CDH13: variants seen among roughly 807,000 people sequenced by gnomAD.
CDH13 encodes cadherin 13.
A neutral mutation model predicts 63.8 loss-of-function variants in CDH13; 24 were observed. The observed-to-expected ratio is 0.38, with a 90% confidence interval of 0.27 to 0.53. The LOEUF (loss-of-function observed/expected upper bound fraction) is 0.53. CDH13 is among the 20% of genes least tolerant of loss of function. The pLI, the probability that CDH13 is intolerant of heterozygous loss-of-function variation, is 0.85. For synonymous variants in CDH13, 503 were observed against 355.3 expected, an observed-to-expected ratio of 1.42 and a Z score of -4.67; for missense variants, 1,049 against 903.1, an observed-to-expected ratio of 1.16 and a Z score of -2.07.
chr16:83,252,966 T>C (rs1435025590), intron 5 of CDH13, among the ~76,000 whole-genome samples: 1 of 152,164 alleles, frequency 6.6e-6, no homozygotes, highest in Non-Finnish European at 1.5e-5. Flanking sequence ...TCCTCTCTTC[T>C]AAAGTGTGTC....
At chr16:83,720,558 C>G (rs539663313) in intron 10 of CDH13, among the ~76,000 whole-genome samples, 2 of 151,820 alleles carry the variant, frequency 1.3e-5, no homozygotes, top group Non-Finnish European at 2.9e-5. Context: ...GCCTGGGCAA[C>G]ATAGTGAGAC....
intron 6 of CDH13, among the ~76,000 whole-genome samples, chr16:83,417,985 G>C (rs1479945903): frequency 1.3e-5 from 2 of 151,442 alleles, no homozygotes; most frequent in Non-Finnish European, 2.9e-5. Flanking sequence ...ATCCTTTAAA[G>C]CCCAGGGAAA....
rs62036327 is a variant in CDH13 at position 82,681,888 on chromosome 16, G to T, written c.45+54751G>T. On this transcript the variant is annotated intron_variant, in intron 1 of 13. Coordinates refer to ENST00000567109, the MANE Select transcript of CDH13 (RefSeq NM_001257.5). ...GCTCAGTGCGTCTTGCTGGCTCCCA[G>T]AGGCCCCAGCCCGGTTGAGCTCCAG... Among the ~76,000 whole-genome samples the T allele has an allele frequency of 2.7e-3, 414 of 152,334 alleles. 1 individual carries two copies. Among genetic ancestry groups the T allele is most frequent in the South Asian group, 0.021 (102 of 4,822 alleles).
chr16:82,789,882 G>A (rs946594270), intron 1 of CDH13, among the ~76,000 whole-genome samples: 4 of 152,034 alleles, frequency 2.6e-5, no homozygotes, highest in African/African-American at 7.2e-5. Flanking sequence ...AGGCATTGTG[G>A]GCACGCTCCT....
intron 4 of CDH13, among the ~76,000 whole-genome samples, chr16:83,169,279 C>A (rs111769262): frequency 2.3e-4 from 35 of 151,802 alleles, no homozygotes; most frequent in African/African-American, 8.2e-4. Flanking sequence ...TGGGTTCAAG[C>A]GATTCTCCTG....
rs182031877 is a variant in CDH13 at position 83,491,278 on chromosome 16, C to T, written c.960+4623C>T. On this transcript the variant is annotated intron_variant, in intron 7 of 13. Coordinates refer to ENST00000567109, the MANE Select transcript of CDH13 (RefSeq NM_001257.5). ...GCTTAAGTGTTTGGGGAGATGTTTG[C>T]GGAAAATAAGAGCCATATATTCCAG... Among the ~76,000 whole-genome samples, 602 of 152,190 alleles carry T rather than the reference C, an allele frequency of 4.0e-3. 2 individuals are homozygous for T. The highest frequency in any genetic ancestry group is 7.1e-3 in the Non-Finnish European group (482 of 68,018).
intron 5 of CDH13, among the ~76,000 whole-genome samples, chr16:83,238,249 C>T (rs1472714274): frequency 6.6e-6 from 1 of 151,032 alleles, no homozygotes; most frequent in African/African-American, 2.4e-5. Context: ...ATTTAGTGGA[C>T]TTACAGTTCC....
intron 8 of CDH13, among the ~76,000 whole-genome samples, chr16:83,643,408 C>G (rs761063155): frequency 1.5e-5 from 2 of 134,238 alleles, no homozygotes; most frequent in African/African-American, 2.5e-5. Context: ...TGTGATCACA[C>G]TCTCTTCAGT....
At chr16:83,088,109 C>A (rs73598182) in intron 3 of CDH13, among the ~76,000 whole-genome samples, 2 of 152,168 alleles carry the variant, frequency 1.3e-5, no homozygotes, top group Non-Finnish European at 2.9e-5. Context: ...TTAGAAAGTA[C>A]CTGCTGTTCT....
At chr16:82,729,826 C>T (rs763767377) in intron 1 of CDH13, among the ~76,000 whole-genome samples, 7 of 152,134 alleles carry the variant, frequency 4.6e-5, no homozygotes, top group Non-Finnish European at 1.0e-4. Context: ...TTAGTGTAGC[C>T]ACCTTTGTCG....
At chr16:83,168,619 G>C (rs143810477) in intron 4 of CDH13, among the ~76,000 whole-genome samples, 19 of 151,324 alleles carry the variant, frequency 1.3e-4, no homozygotes, top group Admixed American at 5.3e-4. Context: ...TAAAAAAAAC[G>C]AACTTGTAAT....
intron 2 of CDH13, among the ~76,000 whole-genome samples, chr16:82,959,752 A>G (rs1025684387): frequency 5.9e-5 from 9 of 152,200 alleles, no homozygotes; most frequent in African/African-American, 2.2e-4. Context: ...ATCTCCGAGT[A>G]GTACTGCGTG....
intron 2 of CDH13, among the ~76,000 whole-genome samples, chr16:82,995,426 C>T (rs1317473715): frequency 6.6e-6 from 1 of 152,164 alleles, no homozygotes; most frequent in Non-Finnish European, 1.5e-5. Context: ...ATTTTCCCTT[C>T]CTGTTTTTCC....
chr16:82,951,079 A>G lies in CDH13; in HGVS notation c.158-80931A>G, dbSNP rs568799434. Among the ~76,000 whole-genome samples the G allele has an allele frequency of 7.2e-5, 11 of 152,286 alleles. No homozygotes were observed. In the South Asian group the frequency reaches 2.3e-3, roughly 32 times the overall value. On this transcript the variant is annotated intron_variant, in intron 2 of 13. Transcript: ENST00000567109. Reference sequence around the variant, plus strand: ...AGCCCAGATACCTTCCCTTGGCTCAATCTTCAATGGCCAGGGAGTGAGGGC... The same window carrying G: ...AGCCCAGATACCTTCCCTTGGCTCAGTCTTCAATGGCCAGGGAGTGAGGGC...
At chr16:82,914,406 T>G (rs1040953283) in intron 2 of CDH13, among the ~76,000 whole-genome samples, 3 of 152,194 alleles carry the variant, frequency 2.0e-5, no homozygotes, top group African/African-American at 7.2e-5. Context: ...TCAGCAATTT[T>G]AAGCAAATTT....
At chr16:83,361,602 T>C (rs1341574144) in intron 6 of CDH13, among the ~76,000 whole-genome samples, 1 of 152,190 alleles carries the variant, frequency 6.6e-6, no homozygotes, top group Non-Finnish European at 1.5e-5. Context: ...GAGTTAATTT[T>C]TGTATATGAT....
chr16:83,731,873 G>A (rs945775594), intron 10 of CDH13, among the ~76,000 whole-genome samples: 3 of 152,182 alleles, frequency 2.0e-5, no homozygotes, highest in Admixed American at 1.3e-4. Context: ...CTAGCTCAAA[G>A]GTTTGTGGAA....
At chr16:83,130,759 C>T (rs2036008268) in intron 4 of CDH13, among the ~76,000 whole-genome samples, 1 of 152,160 alleles carries the variant, frequency 6.6e-6, no homozygotes, top group Admixed American at 6.5e-5. Context: ...ATTTGTCTTG[C>T]ATTTCAAGAG....
intron 3 of CDH13, among the ~76,000 whole-genome samples, chr16:83,122,716 C>G (rs2035638330): frequency 6.6e-6 from 1 of 151,696 alleles, no homozygotes; most frequent in Non-Finnish European, 1.5e-5. Flanking sequence ...AGACTCTTAA[C>G]AAAGTATAAC....
Sources: allele counts gnomAD v4.1 joint callset (sites outside exome capture counted in the v4.1 genomes callset), GRCh38; gene constraint gnomAD v4.1.1; transcripts MANE v1.5; gene names NCBI Gene and HGNC (gene_info 2026-07-23, HGNC 2026-07-21).